Variants in TTN observed in about 807,000 individuals in gnomAD.
The protein encoded by TTN is titin, also known as connectin.
In TTN, 1,525 loss-of-function variants were observed where a neutral mutation model predicts 3,223.0. That is an observed-to-expected ratio of 0.47 (90% CI 0.45 to 0.49). TTN has a LOEUF of 0.49. Ranked by LOEUF, TTN falls within the 20% of genes least tolerant of loss-of-function variation. TTN has a pLI of 0.00. For synonymous variants in TTN, 14,094 were observed against 15,161.0 expected (o/e 0.93, Z 5.17); for missense variants, 40,786 against 43,424.0 (o/e 0.94, Z 5.40).
At position 178,566,988 on chromosome 2, in the gene TTN, T is replaced by G. The variant is rs751896572; in HGVS notation, c.79144A>C (p.Asn26382His). ...GGTGGTCCAGGAAGCACAAATGGATTTTTCATTAGTACTGGTGCAGATTCC... is the reference window on the plus strand; with the variant it reads ...GGTGGTCCAGGAAGCACAAATGGATGTTTCATTAGTACTGGTGCAGATTCC... ...PLESAPVLMK[N>H]PFVLPGPPKS... is the part of the protein sequence containing the mutation. The change falls in exon 326 of 363, where the codon AAT becomes CAT. Residue 26382 changes from asparagine to histidine, a missense_variant. Coordinates refer to ENST00000589042, the MANE Select transcript of TTN (RefSeq NM_001267550.2). 4.3e-6 allele frequency: 7 copies of G among 1,613,492 alleles called. No homozygotes were observed. The highest frequency in any genetic ancestry group is 5.9e-6 in the Non-Finnish European group (7 of 1,179,656).
At chr2:178,675,820 G>C in intron 148 of TTN, 66 bp from the exon 149 acceptor site, 1 of 1,523,964 alleles carries the variant, frequency 6.6e-7, no homozygotes, top group Non-Finnish European at 8.9e-7. Flanking sequence ...AGACACAGCA[G>C]TAATATAAGT....
Position 178,559,333 on chromosome 2 carries a change from T to G in TTN, c.86799A>C (p.Thr28933=). 6.3e-7 allele frequency: 1 copy of G among 1,594,574 alleles called. No homozygotes were observed. Among genetic ancestry groups the G allele is most frequent in the Non-Finnish European group, 8.5e-7 (1 of 1,170,264 alleles). ...NEFGVGIPAE[T]KEGVKITEKP... is the part of the protein sequence containing the mutation. Reference sequence around the variant, plus strand: ...TACCTGTTATTTTTACTCCTTCCTTTGTTTCAGCTGGTATACCAACACCAA... The same window carrying G: ...TACCTGTTATTTTTACTCCTTCCTTGGTTTCAGCTGGTATACCAACACCAA... Residue 28933 remains threonine (T), a synonymous_variant, in exon 326 of 363, where the codon ACA becomes ACC. Transcript: ENST00000589042.
Position 178,557,032 on chromosome 2 carries a change from T to C in TTN, c.88122A>G (p.Arg29374=). The change falls in exon 330 of 363, where the codon AGA becomes AGG. Residue 29374 remains arginine (R), a synonymous_variant. Coordinates refer to ENST00000589042, the MANE Select transcript of TTN (RefSeq NM_001267550.2). ...GSKITGYIVE[R]RDLPDGRWTK... The stretch of plus-strand genomic sequence containing the variant: ...TCCATCTGCCATCTGGAAGGTCACG[T>C]CTCTCAACAATGTAGCCTGTAATCT... 6.2e-7 allele frequency: 1 copy of C among 1,613,768 alleles called. No individual in the cohort carries two copies. The highest frequency in any genetic ancestry group is 8.5e-7 in the Non-Finnish European group (1 of 1,179,816).
rs938263270 is a variant in TTN at position 178,537,546 on chromosome 2, T to C, written c.99661A>G (p.Ile33221Val). The C allele has an allele frequency of 3.7e-6, 6 of 1,613,654 alleles. No individual in the cohort carries two copies. In the African/African-American group the frequency reaches 8.0e-5, roughly 22 times the overall value. ...GTCATGGCAGGTACTGGACGACCAA[T>C]GTACATAACATGAAGCCGAAGTGTG... is the stretch of plus-strand genomic sequence containing the variant. ...GSTLRLHVMY[I>V]GRPVPAMTWF... is the part of the protein sequence containing the mutation. The change falls in exon 355 of 363, where the codon ATT becomes GTT. Residue 33221 changes from isoleucine (I) to valine (V), a missense_variant. Physicochemically the swap from Ile to Val is conservative, Grantham distance 29. Coordinates refer to ENST00000589042, the MANE Select transcript of TTN (RefSeq NM_001267550.2).
intron 223 of TTN, 68 bp from the exon 224 acceptor site, chr2:178,637,487 T>C (rs1028341708): frequency 4.1e-6 from 4 of 982,608 alleles, no homozygotes; most frequent in South Asian, 4.8e-5. Context: ...TAGTAAACCA[T>C]GGAGGGTGAG....
In TTN at chr2:178,768,149, T is replaced by G. The variant is rs1454539044; in HGVS notation, c.9170A>C (p.His3057Pro). The change falls in exon 39 of 363, where the codon CAT (histidine) becomes CCT (proline). Residue 3057 changes from histidine (H) to proline (P), a missense_variant. Physicochemically the swap from His to Pro is moderately conservative, Grantham distance 77 (BLOSUM62 -2). Coordinates refer to ENST00000589042, the MANE Select transcript of TTN (RefSeq NM_001267550.2). ...STATLYVEAR[H>P]IEFRKHIKDI... ...CTTAATGTGTTTCCTAAATTCTATA[T>G]GACGAGCTGGAAAATAGCATGTAGA... 6.2e-7 allele frequency: 1 copy of G among 1,613,960 alleles called. No individual in the cohort carries two copies. Among genetic ancestry groups the G allele is most frequent in the Non-Finnish European group, 8.5e-7 (1 of 1,180,006 alleles).
At chr2:178,783,541 T>G (rs1293088168) in intron 17 of TTN, among the ~76,000 whole-genome samples, 179 bp downstream of exon 17, 1 of 152,222 alleles carries the variant, frequency 6.6e-6, no homozygotes, top group Non-Finnish European at 1.5e-5. Flanking sequence ...AATTCCCTTC[T>G]TCCTTGCCAA....
In TTN at chr2:178,533,352, C is replaced by T. The variant is rs1057521288; in HGVS notation, c.103263G>A (p.Leu34421=). The T allele has an allele frequency of 4.3e-6, 7 of 1,613,590 alleles. No individual in the cohort carries two copies. The highest frequency in any genetic ancestry group is 5.9e-6 in the Non-Finnish European group (7 of 1,179,868). Residue 34421 remains leucine (L), a synonymous_variant, in exon 358 of 363, where the codon CTG becomes CTA. Transcript: ENST00000589042. ...IIHEGLDYYA[L]HIRDTLPEDT... is the part of the protein sequence containing the mutation. ...CTTCAGGCAAAGTGTCCCTGATGTG[C>T]AGAGCATAATAATCCAAGCCTTCAT...
chr2:178,794,686 CAG>C, intron 7 of TTN, 135 bp from the exon 8 acceptor site: 1 of 1,157,934 alleles, frequency 8.6e-7, no homozygotes, highest in Non-Finnish European at 1.3e-6. Flanking sequence ...CCAAGAAATA[CAG>C]AGACTGTATC....
chr2:178,783,211 A>G, intron 17 of TTN, 147 bp from the exon 18 acceptor site: 1 of 758,598 alleles, frequency 1.3e-6, no homozygotes, highest in Non-Finnish European at 2.1e-6. Flanking sequence ...GTAGTAGAGA[A>G]ACTAATATTT....
At chr2:178,733,956 T>C in intron 52 of TTN, 64 bp from the exon 53 acceptor site, 2 of 1,430,388 alleles carry the variant, frequency 1.4e-6, no homozygotes, top group Non-Finnish European at 1.9e-6. Flanking sequence ...ACCATCTATA[T>C]TTAAGAGTTT....
rs745646703 is a variant in TTN, at chr2:178,550,168, C to T, written c.91670G>A (p.Arg30557Gln). ...KALVQGRPVP[R>Q]VTWFKDGVEI... ...CACTCCATCTTTGAACCAAGTTACT[C>T]GAGGCACTGGTCTTCCTTGTACCAA... The change falls in exon 337 of 363, where the codon CGA becomes CAA. Residue 30557 changes from arginine (R) to glutamine (Q), a missense_variant. Physicochemically the swap from Arg to Gln is conservative, Grantham distance 43 (BLOSUM62 1). Coordinates refer to ENST00000589042, the MANE Select transcript of TTN (RefSeq NM_001267550.2). The T allele has an allele frequency of 1.8e-5, 29 of 1,613,628 alleles. No homozygotes were observed. Among genetic ancestry groups the T allele is most frequent in the East Asian group, 2.2e-5 (1 of 44,878 alleles).
intron 316 of TTN, chr2:178,580,843 C>T: frequency 2.0e-6 from 1 of 509,186 alleles, no homozygotes; most frequent in South Asian, 2.6e-5. Flanking sequence ...GGATCTGTAC[C>T]TCCTCTTTCA....
At chr2:178,699,541 A>T (rs1392080811) in intron 111 of TTN, among the ~76,000 whole-genome samples, 1 of 142,760 alleles carries the variant, frequency 7.0e-6, no homozygotes, top group African/African-American at 2.6e-5. Context: ...CCTCCCGAGT[A>T]GCTGGGACTA....
chr2:178,760,797 G>A (rs2088896455), intron 43 of TTN: 1 of 152,104 alleles, frequency 6.6e-6, no homozygotes, highest in African/African-American at 2.4e-5. Flanking sequence ...CCAAAAGACA[G>A]TGCCATGTGA....
chr2:178,709,584 A>G lies in TTN; in HGVS notation c.28735T>C (p.Ser9579Pro). ...AACTCACCTTTGATGACGATTGAAGACGTGCACAGAGCAGAGCCTGCATCA... is the reference window on the plus strand; with the variant it reads ...AACTCACCTTTGATGACGATTGAAGGCGTGCACAGAGCAGAGCCTGCATCA... The part of the protein sequence containing the change: ...SNDAGSALCT[S>P]SIVIKEPKKP... The change falls in exon 99 of 363, where the codon TCT (serine) becomes CCT (proline). Residue 9579 changes from serine to proline, a missense_variant. Ser to Pro is a moderately conservative substitution (Grantham distance 74, BLOSUM62 -1). Transcript: ENST00000589042. 6.2e-7 allele frequency: 1 copy of G among 1,611,008 alleles called. No homozygotes were observed. The highest frequency in any genetic ancestry group is 8.5e-7 in the Non-Finnish European group (1 of 1,177,362).
chr2:178,757,763 G>T lies in TTN; in HGVS notation c.10457C>A (p.Ala3486Glu), dbSNP rs374093805. 2 of 1,613,742 alleles carry T rather than the reference G, an allele frequency of 1.2e-6. No homozygotes were observed. Among genetic ancestry groups the T allele is most frequent in the Admixed American group, 1.7e-5 (1 of 60,004 alleles). ...TGGCTTGGGAATGCCAGAAACCCTC[G>T]CATGAAATCTGACTGTCTCCCCGTT... ...VHNGETVRFH[A>E]RVSGIPKPEI... Residue 3486 changes from alanine to glutamate, a missense_variant, in exon 45 of 363, where the codon GCG becomes GAG. Transcript: ENST00000589042.
At chr2:178,785,091 A>G (rs1284326817) in intron 15 of TTN, among the ~76,000 whole-genome samples, 1 of 152,192 alleles carries the variant, frequency 6.6e-6, no homozygotes. Context: ...CAGAGATTAT[A>G]AGGGAGAAGA....
In TTN at chr2:178,590,673, G is replaced by C; in HGVS notation, c.61052C>G (p.Ala20351Gly). Residue 20351 changes from alanine (A) to glycine (G), a missense_variant, in exon 304 of 363, where the codon GCA (alanine) becomes GGA (glycine). Coordinates refer to ENST00000589042, the MANE Select transcript of TTN (RefSeq NM_001267550.2). Reference protein sequence around the residue: ...YEFRVFAENLAGLSKPSPSSD... With the variant: ...YEFRVFAENLGGLSKPSPSSD... ...ACTTGGGGATGGTTTGCTTAGTCCT[G>C]CAAGATTTTCAGCAAAAACTCTAAA... 1.2e-6 allele frequency: 2 copies of C among 1,613,190 alleles called. No homozygotes were observed. The highest frequency in any genetic ancestry group is 1.7e-6 in the Non-Finnish European group (2 of 1,179,440).
Sources: gnomAD v4.1 joint callset for allele counts (sites outside exome capture counted in the v4.1 genomes callset) on GRCh38, gnomAD v4.1.1 for gene constraint, MANE v1.5 for transcripts, NCBI Gene and HGNC (gene_info 2026-07-23, HGNC 2026-07-21) for gene names.